The following NDUFS4 variants were observed in gnomAD, a reference collection of about 807,000 sequenced individuals.
NDUFS4 encodes the protein NADH dehydrogenase [ubiquinone] iron-sulfur protein 4, mitochondrial.
A neutral mutation model predicts 24.3 loss-of-function variants in NDUFS4; 28 were observed. That is an observed-to-expected ratio of 1.15 (90% CI 0.85 to 1.58). NDUFS4 has a LOEUF of 1.58. Among genes scored for constraint, NDUFS4 ranks in the 40% most tolerant of loss-of-function variants. NDUFS4 has a pLI of 0.00. For synonymous variants in NDUFS4, 93 were observed against 69.7 expected, an observed-to-expected ratio of 1.34 and a Z score of -1.67; for missense variants, 223 against 207.9, an observed-to-expected ratio of 1.07 and a Z score of -0.45.
chr5:53,567,536 A>AT (rs930663018), intron 1 of NDUFS4, among the ~76,000 whole-genome samples: 2 of 152,174 alleles, frequency 1.3e-5, no homozygotes, highest in South Asian at 2.1e-4. Flanking sequence ...GCTCTTAAAA[A>AT]ATATATATAA....
intron 4 of NDUFS4, among the ~76,000 whole-genome samples, chr5:53,669,161 A>C (rs890313820): frequency 6.6e-6 from 1 of 152,178 alleles, no homozygotes; most frequent in African/African-American, 2.4e-5. Flanking sequence ...CCTCTAGTCT[A>C]AACTGTTACG....
intron 2 of NDUFS4, among the ~76,000 whole-genome samples, chr5:53,644,357 A>G (rs1379253106): frequency 2.6e-5 from 4 of 152,198 alleles, no homozygotes; most frequent in Admixed American, 6.6e-5. Flanking sequence ...CCATAATTCT[A>G]TAACATGCTT....
At chr5:53,599,573 T>G (rs1750246240) in intron 1 of NDUFS4, among the ~76,000 whole-genome samples, 1 of 152,186 alleles carries the variant, frequency 6.6e-6, no homozygotes, top group African/African-American at 2.4e-5. Context: ...TTTATTTAGG[T>G]GTTTTCCCCA....
At chr5:53,627,522 G>A (rs1327912581) in intron 2 of NDUFS4, among the ~76,000 whole-genome samples, 1 of 152,154 alleles carries the variant, frequency 6.6e-6, no homozygotes, top group Non-Finnish European at 1.5e-5. Context: ...AGCATGGAAT[G>A]TTCTTTCGTT....
intron 2 of NDUFS4, among the ~76,000 whole-genome samples, chr5:53,627,130 A>C (rs540293185): frequency 6.6e-6 from 1 of 152,302 alleles, no homozygotes; most frequent in South Asian, 2.1e-4. Flanking sequence ...CCATTTATTA[A>C]AAAGGGAATC....
At chr5:53,615,066 G>C (rs1429794862) in intron 2 of NDUFS4, among the ~76,000 whole-genome samples, 3 of 151,616 alleles carry the variant, frequency 2.0e-5, no homozygotes, top group African/African-American at 7.3e-5. Flanking sequence ...TTTATGGTAG[G>C]GTATGCAGAT....
intron 3 of NDUFS4, among the ~76,000 whole-genome samples, chr5:53,650,556 C>A (rs1490594775): frequency 2.0e-5 from 3 of 152,190 alleles, no homozygotes; most frequent in Non-Finnish European, 4.4e-5. Context: ...CCTGTTTGTT[C>A]AGATTCTTGT....
intron 2 of NDUFS4, among the ~76,000 whole-genome samples, chr5:53,645,888 A>C (rs16881588): frequency 0.035 from 5,377 of 152,164 alleles, 327 homozygotes; most frequent in African/African-American, 0.12. Context: ...TCCTCTGACT[A>C]GTTCGCACTT....
chr5:53,612,706 T>A (rs913888788), intron 2 of NDUFS4, among the ~76,000 whole-genome samples: 12 of 152,080 alleles, frequency 7.9e-5, no homozygotes, highest in African/African-American at 2.9e-4. Context: ...TAAATCGCTG[T>A]TTGATTAATT....
chr5:53,676,135 C>T (rs1740461353), intron 4 of NDUFS4, among the ~76,000 whole-genome samples: 1 of 152,078 alleles, frequency 6.6e-6, no homozygotes, highest in Non-Finnish European at 1.5e-5. Flanking sequence ...AGTCAAACAG[C>T]ACAGATTTAT....
intron 1 of NDUFS4, among the ~76,000 whole-genome samples, chr5:53,578,558 T>A (rs1473787682): frequency 6.6e-6 from 1 of 152,192 alleles, no homozygotes; most frequent in Non-Finnish European, 1.5e-5. Context: ...TTTGAGTTCC[T>A]GGTCTGATAC....
chr5:53,612,138 A>T (rs1311579892), intron 2 of NDUFS4, among the ~76,000 whole-genome samples: 1 of 152,116 alleles, frequency 6.6e-6, no homozygotes, highest in African/African-American at 2.4e-5. Flanking sequence ...AATAGTTTAG[A>T]CATTACATAT....
At chr5:53,629,949 G>A (rs1400822273) in intron 2 of NDUFS4, among the ~76,000 whole-genome samples, 5 of 152,136 alleles carry the variant, frequency 3.3e-5, no homozygotes, top group Admixed American at 3.3e-4. Flanking sequence ...TTGCCTGTTA[G>A]TTGATGCAGT....
chr5:53,626,236 A>G (rs1034085651), intron 2 of NDUFS4, among the ~76,000 whole-genome samples: 6 of 152,246 alleles, frequency 3.9e-5, no homozygotes, highest in East Asian at 3.9e-4. Flanking sequence ...TTATGGCTGT[A>G]TAGTATTCCA....
chr5:53,654,710 C>T (rs965106293), intron 3 of NDUFS4, among the ~76,000 whole-genome samples: 1 of 152,056 alleles, frequency 6.6e-6, no homozygotes, highest in African/African-American at 2.4e-5. Context: ...ATTCACTTGC[C>T]GTTCTGTGCC....
At chr5:53,567,304 G>A (rs772373845) in intron 1 of NDUFS4, among the ~76,000 whole-genome samples, 14 of 152,126 alleles carry the variant, frequency 9.2e-5, no homozygotes, top group Non-Finnish European at 2.1e-4. Flanking sequence ...AAACCCTAAT[G>A]TCCTCTCTGT....
chr5:53,587,107 A>AACCATTGC (rs1428442174), intron 1 of NDUFS4, among the ~76,000 whole-genome samples: 2 of 152,108 alleles, frequency 1.3e-5, no homozygotes, highest in Admixed American at 6.5e-5. Flanking sequence ...TACAGGCGTG[A>AACCATTGC]ACCATTGCAC....
At chr5:53,632,813 T>C (rs1398235749) in intron 2 of NDUFS4, among the ~76,000 whole-genome samples, 1 of 152,206 alleles carries the variant, frequency 6.6e-6, no homozygotes. Flanking sequence ...AGAGTGGTAG[T>C]CTGATCCCAT....
chr5:53,569,208 CT>C (rs1194401726), intron 1 of NDUFS4, among the ~76,000 whole-genome samples: 1 of 151,962 alleles, frequency 6.6e-6, no homozygotes, highest in Non-Finnish European at 1.5e-5. Context: ...TGACTTTTGC[CT>C]TTTAAGTCTA....
Sources: gnomAD v4.1 joint callset for allele counts (sites outside exome capture counted in the v4.1 genomes callset) on GRCh38, gnomAD v4.1.1 for gene constraint, MANE v1.5 for transcripts, NCBI Gene and HGNC (gene_info 2026-07-23, HGNC 2026-07-21) for gene names.